Variants in RAPGEF6 observed in about 807,000 individuals in gnomAD.
RAPGEF6 encodes the protein Rap guanine nucleotide exchange factor 6.
In RAPGEF6, 56 loss-of-function variants were observed where a neutral mutation model predicts 171.4. The observed-to-expected ratio is 0.33, with a 90% CI of 0.26 to 0.41. The LOEUF is 0.41. Ranked by LOEUF, RAPGEF6 falls within the 10% of genes least tolerant of loss-of-function variation. The pLI is 1.00. For synonymous variants in RAPGEF6, 692 were observed against 650.1 expected (o/e 1.06, Z -0.98); for missense variants, 1,674 against 1,921.4 (o/e 0.87, Z 2.41).
chr5:131,588,348 C>G (rs761663348), intron 4 of RAPGEF6, among the ~76,000 whole-genome samples: 2 of 152,196 alleles, frequency 1.3e-5, no homozygotes, highest in Non-Finnish European at 2.9e-5. Flanking sequence ...AAATGGGTTA[C>G]TGCACAAAAT....
rs535149665 is a variant in RAPGEF6, at chr5:131,576,842, C to T, written c.282-14795G>A. Among the ~76,000 whole-genome samples, 92 of 152,236 alleles carry T rather than the reference C, an allele frequency of 6.0e-4. 2 individuals are homozygous for T. Among genetic ancestry groups the T allele is most frequent in the Admixed American group, 8.5e-4 (13 of 15,298 alleles). On this transcript the variant is annotated intron_variant, in intron 4 of 27. Coordinates refer to ENST00000509018, the MANE Select transcript of RAPGEF6 (RefSeq NM_016340.6). Reference sequence around the variant, plus strand: ...TGACCTTTTTCATGTGGGTTACAAGCCAATGGCCCATCTCTTAGAACCTCT... The same window carrying T: ...TGACCTTTTTCATGTGGGTTACAAGTCAATGGCCCATCTCTTAGAACCTCT...
rs182302330 is a variant in RAPGEF6 at position 131,439,809 on chromosome 5, C to G, written c.3611-94G>C. 1.1e-4 allele frequency: 168 copies of G among 1,509,592 alleles called. 3 individuals are homozygous for G. The East Asian group carries it at 1.2e-3, about 11-fold the overall frequency. 93.5% of individuals were successfully genotyped at this position (1,509,592 alleles called of 1,614,324 possible). On this transcript the variant is annotated intron_variant, in intron 23 of 27. Transcript: ENST00000509018. ...ACTACATAACTAACACTATGATGCA[C>G]AATGGCTAGTGTAGTCAACTGAAAT...
intron 20 of RAPGEF6, 89 bp downstream of exon 20, chr5:131,455,712 G>A: frequency 8.9e-7 from 1 of 1,122,560 alleles, no homozygotes. Flanking sequence ...CAAATTAATA[G>A]AATAGGAAAT....
rs1751528247 is a variant in RAPGEF6 at position 131,428,900 on chromosome 5, A to G, written c.4780+2T>C. ...AGCCTTTAAGAGAGCTTGTCAACAT[A>G]CCATCTGCTTCGCTATCTGCATCAG... On this transcript the variant is annotated splice_donor_variant, in intron 27 of 27. Transcript: ENST00000509018. LOFTEE classifies it high-confidence loss of function. The G allele has an allele frequency of 1.2e-6, 2 of 1,611,214 alleles. No individual in the cohort carries two copies. Among genetic ancestry groups the G allele is most frequent in the African/African-American group, 1.3e-5 (1 of 74,988 alleles).
intron 14 of RAPGEF6, among the ~76,000 whole-genome samples, chr5:131,491,162 G>C (rs1756255145): frequency 6.6e-6 from 1 of 152,136 alleles, no homozygotes; most frequent in Admixed American, 6.5e-5. Flanking sequence ...TTCCTAATGA[G>C]TAGTCTGGGG....
At chr5:131,602,862 G>A (rs780132529) in intron 3 of RAPGEF6, among the ~76,000 whole-genome samples, 4 of 152,164 alleles carry the variant, frequency 2.6e-5, no homozygotes, top group Non-Finnish European at 5.9e-5. Context: ...ATTATATATT[G>A]TACAGCAGTG....
chr5:131,495,120 C>T (rs1756549126), intron 13 of RAPGEF6, among the ~76,000 whole-genome samples: 1 of 151,944 alleles, frequency 6.6e-6, no homozygotes, highest in Non-Finnish European at 1.5e-5. Context: ...TGGTGAAACC[C>T]TGTCTCTGCT....
intron 21 of RAPGEF6, among the ~76,000 whole-genome samples, chr5:131,449,297 A>T (rs564804149): frequency 5.3e-5 from 8 of 152,338 alleles, no homozygotes; most frequent in Non-Finnish European, 8.8e-5. Context: ...ATTCTATCAC[A>T]ACTTTAAAGA....
intron 27 of RAPGEF6, among the ~76,000 whole-genome samples, chr5:131,428,384 A>G (rs771019968): frequency 2.6e-5 from 4 of 152,128 alleles, no homozygotes; most frequent in African/African-American, 9.7e-5. Flanking sequence ...CTGCACTCTA[A>G]GCTTGGGCAA....
intron 13 of RAPGEF6, among the ~76,000 whole-genome samples, chr5:131,494,460 T>C: frequency 6.6e-6 from 1 of 152,212 alleles, no homozygotes; most frequent in South Asian, 2.1e-4. Flanking sequence ...ATAGATTTGA[T>C]ATTTAGGATA....
chr5:131,492,614 C>G lies in RAPGEF6; in HGVS notation c.1699G>C (p.Ala567Pro). 6.2e-7 allele frequency: 1 copy of G among 1,614,210 alleles called. No individual in the cohort carries two copies. The change falls in exon 14 of 28, where the codon GCT (alanine) becomes CCT (proline). Residue 567 changes from alanine to proline, a missense_variant. Ala to Pro is a conservative substitution (Grantham distance 27, BLOSUM62 -1). This residue lies in a region of RAPGEF6 where 1,116 missense variants were observed against 1,321.5 expected (regional missense o/e 0.84). Coordinates refer to ENST00000509018, the MANE Select transcript of RAPGEF6 (RefSeq NM_016340.6). The stretch of plus-strand genomic sequence containing the variant: ...CCACGTTTCAGTCCTGAATCAGCAG[C>G]TTTGCTACCAGGTTCTACTCCTTCA... ...FVEGVEPGSK[A>P]ADSGLKRGDQ...
chr5:131,540,063 G>A (rs1760032827), intron 6 of RAPGEF6, among the ~76,000 whole-genome samples: 1 of 152,194 alleles, frequency 6.6e-6, no homozygotes, highest in South Asian at 2.1e-4. Flanking sequence ...AGGAAGAGCT[G>A]GCTGGCTCCA....
At chr5:131,596,364 ATATT>A (rs968552366) in intron 3 of RAPGEF6, among the ~76,000 whole-genome samples, 1 of 149,160 alleles carries the variant, frequency 6.7e-6, no homozygotes, top group Non-Finnish European at 1.5e-5. Flanking sequence ...TATATAATAT[ATATT>A]TGTGTCTCAT....
At chr5:131,629,841 G>A (rs1580705886) in intron 1 of RAPGEF6, among the ~76,000 whole-genome samples, 1 of 151,880 alleles carries the variant, frequency 6.6e-6, no homozygotes, top group African/African-American at 2.4e-5. Flanking sequence ...GCAATCTCAT[G>A]ATAAAACTTG....
chr5:131,627,563 C>A (rs981536412), intron 1 of RAPGEF6, among the ~76,000 whole-genome samples: 12 of 152,012 alleles, frequency 7.9e-5, no homozygotes, highest in African/African-American at 2.9e-4. Flanking sequence ...AAAAAAGGAA[C>A]GTTATAAAGA....
chr5:131,486,950 A>T (rs1199525171), intron 15 of RAPGEF6, among the ~76,000 whole-genome samples: 1 of 152,082 alleles, frequency 6.6e-6, no homozygotes, highest in Non-Finnish European at 1.5e-5. Context: ...AATGATCCTG[A>T]TTCTCCTTAT....
intron 18 of RAPGEF6, chr5:131,463,764 T>C: frequency 9.5e-7 from 1 of 1,048,108 alleles, no homozygotes; most frequent in African/African-American, 1.7e-5. Context: ...ACTGGCCATA[T>C]TAAAAACAAA....
At chr5:131,623,474 T>C (rs1187652171) in intron 1 of RAPGEF6, among the ~76,000 whole-genome samples, 2 of 148,142 alleles carry the variant, frequency 1.4e-5, no homozygotes, top group South Asian at 2.1e-4. Context: ...ATTTTTCACA[T>C]TGCTTTTTTT....
intron 17 of RAPGEF6, among the ~76,000 whole-genome samples, chr5:131,467,942 G>T (rs983558255): frequency 4.6e-5 from 7 of 150,870 alleles, no homozygotes; most frequent in Non-Finnish European, 1.0e-4. Context: ...GAGGTGGGAG[G>T]ATCACTTGGG....
Sources: gnomAD v4.1 joint callset for allele counts (sites outside exome capture counted in the v4.1 genomes callset) on GRCh38, gnomAD v4.1.1 for gene constraint, gnomAD v4.1.1 regional missense constraint, MANE v1.5 for transcripts, NCBI Gene and HGNC (gene_info 2026-07-23, HGNC 2026-07-21) for gene names.